The following SPINK1 variants were observed in gnomAD, a reference collection of about 807,000 sequenced individuals.
SPINK1 encodes serine protease inhibitor Kazal-type 1.
SPINK1 carries 5 observed loss-of-function variants against 9.5 expected under a neutral mutation model. The ratio of observed to expected loss-of-function variants is 0.52; its 90% CI spans 0.27 to 1.10. The LOEUF is 1.10. SPINK1 is among the 50% of genes least tolerant of loss of function. The probability of loss-of-function intolerance (pLI) is 0.11; values close to 1 mark genes in which losing one functional copy is unlikely to be tolerated. For missense variants in SPINK1, 88 were observed against 92.7 expected, an observed-to-expected ratio of 0.95 and a Z score of 0.21; for synonymous variants, 37 against 32.3, an observed-to-expected ratio of 1.14 and a Z score of -0.49.
chr5:147,829,117 T>A (rs1426234145), intron 2 of SPINK1, among the ~76,000 whole-genome samples: 1 of 152,196 alleles, frequency 6.6e-6, no homozygotes, highest in Non-Finnish European at 1.5e-5. Context: ...CCAAATTTAC[T>A]GAAATTACCT....
upstream of SPINK1, among the ~76,000 whole-genome samples, chr5:147,835,386 A>G (rs973151388): frequency 1.1e-4 from 17 of 152,168 alleles, no homozygotes; most frequent in Admixed American, 7.2e-4. Context: ...CTGAGGCCTC[A>G]TACAATCAAT....
At chr5:147,825,228 C>A (rs1050075029) in intron 3 of SPINK1, among the ~76,000 whole-genome samples, 12 of 152,116 alleles carry the variant, frequency 7.9e-5, no homozygotes, top group African/African-American at 2.7e-4. Context: ...TCTGTTCGCC[C>A]CACACTACCA....
At chr5:147,826,952 A>C (rs1346463715) in intron 3 of SPINK1, 1 of 152,244 alleles carries the variant, frequency 6.6e-6, no homozygotes, top group Non-Finnish European at 1.5e-5. Flanking sequence ...TCAATCTCAG[A>C]AAAACTAAAG....
At chr5:147,835,788 T>C (rs1580946582), upstream of SPINK1, among the ~76,000 whole-genome samples, 1 of 152,160 alleles carries the variant, frequency 6.6e-6, no homozygotes, top group Non-Finnish European at 1.5e-5. Context: ...ACTAGAGATA[T>C]ACAGCTTATT....
At chr5:147,824,859 A>T (rs968141357) in intron 3 of SPINK1, among the ~76,000 whole-genome samples, 153 bp from the exon 4 acceptor site, 2 of 152,226 alleles carry the variant, frequency 1.3e-5, no homozygotes. Context: ...TCATTTATAC[A>T]TTCACTTAGT....
At chr5:147,825,154 A>G (rs1238732154) in intron 3 of SPINK1, among the ~76,000 whole-genome samples, 4 of 152,156 alleles carry the variant, frequency 2.6e-5, no homozygotes, top group Non-Finnish European at 4.4e-5. Flanking sequence ...ACAAAAGTAA[A>G]TCACATATTT....
upstream of SPINK1, among the ~76,000 whole-genome samples, chr5:147,832,530 T>A (rs891643443): frequency 2.0e-5 from 3 of 152,220 alleles, no homozygotes; most frequent in African/African-American, 7.2e-5. Flanking sequence ...ATAAAGTTAA[T>A]ATCTCCTTCT....
In SPINK1 at chr5:147,831,599, G is replaced by A. The variant is rs190219062; in HGVS notation, c.-22C>T. 8.3e-4 allele frequency: 1,338 copies of A among 1,613,012 alleles called. 1 individual carries two copies. The highest frequency in any genetic ancestry group is 1.1e-3 in the Non-Finnish European group (1,248 of 1,179,620). ...TCATGGCTGAAGTTCTGCGTCCAGAGGTCAGTTGAAAACTGCACCGCACTT... is the reference window on the plus strand; with the variant it reads ...TCATGGCTGAAGTTCTGCGTCCAGAAGTCAGTTGAAAACTGCACCGCACTT... On this transcript the variant is annotated 5_prime_UTR_variant, in exon 1 of 4. Transcript: ENST00000296695.
chr5:147,831,838 A>G, upstream of SPINK1: 3 of 1,347,280 alleles, frequency 2.2e-6, no homozygotes, highest in Non-Finnish European at 2.9e-6. Context: ...TCAGGAAAAT[A>G]GTTCTAGTGG....
At chr5:147,824,814 G>A (rs1486994332) in intron 3 of SPINK1, 108 bp from the exon 4 acceptor site, 2 of 967,580 alleles carry the variant, frequency 2.1e-6, no homozygotes, top group Non-Finnish European at 1.6e-6. Context: ...AAGTTGGAGA[G>A]GTTTGAGATT....
At chr5:147,829,097 C>A (rs1398325162) in intron 2 of SPINK1, among the ~76,000 whole-genome samples, 1 of 152,142 alleles carries the variant, frequency 6.6e-6, no homozygotes, top group African/African-American at 2.4e-5. Context: ...GACACTTCTT[C>A]CTCTGGTCTC....
intron 3 of SPINK1, 96 bp downstream of exon 3, chr5:147,827,926 G>T: frequency 1.1e-6 from 1 of 885,454 alleles, no homozygotes; most frequent in Non-Finnish European, 1.8e-6. Flanking sequence ...AAAGTAAATA[G>T]TTTGCTTTTC....
chr5:147,825,712 A>G (rs1316450946), intron 3 of SPINK1, among the ~76,000 whole-genome samples: 3 of 152,280 alleles, frequency 2.0e-5, no homozygotes, highest in African/African-American at 7.2e-5. Flanking sequence ...AAGTGCTGGG[A>G]TTACAGGCAT....
upstream of SPINK1, among the ~76,000 whole-genome samples, chr5:147,834,044 C>T (rs1580945364): frequency 1.3e-5 from 2 of 152,138 alleles, no homozygotes; most frequent in Admixed American, 6.6e-5. Context: ...CTTCTTTCTG[C>T]ATCTAGATTA....
chr5:147,825,648 G>A (rs547121161), intron 3 of SPINK1, among the ~76,000 whole-genome samples: 1 of 151,942 alleles, frequency 6.6e-6, no homozygotes, highest in Non-Finnish European at 1.5e-5. Context: ...TACCATGTTG[G>A]CCAGGCTGGT....
chr5:147,834,869 A>C (rs1756569155), upstream of SPINK1, among the ~76,000 whole-genome samples: 1 of 152,166 alleles, frequency 6.6e-6, no homozygotes, highest in African/African-American at 2.4e-5. Flanking sequence ...TGAGCAGACA[A>C]ATACAGTTGT....
At chr5:147,828,942 C>G (rs999983636) in intron 2 of SPINK1, among the ~76,000 whole-genome samples, 1 of 151,904 alleles carries the variant, frequency 6.6e-6, no homozygotes, top group Non-Finnish European at 1.5e-5. Flanking sequence ...TTCGGAGCAC[C>G]CTCCCTGATT....
intron 3 of SPINK1, 102 bp downstream of exon 3, chr5:147,827,920 T>C (rs1274910910): frequency 1.1e-5 from 9 of 837,690 alleles, no homozygotes; most frequent in Middle Eastern, 3.5e-4. Context: ...TTGGAAAAAG[T>C]AAATAGTTTG....
intron 1 of SPINK1, among the ~76,000 whole-genome samples, chr5:147,831,119 C>G (rs181681561): frequency 6.6e-6 from 1 of 152,198 alleles, no homozygotes; most frequent in East Asian, 1.9e-4. Context: ...TCAAATTATG[C>G]CTTTTATACT....
Sources: gnomAD v4.1 joint callset for allele counts (sites outside exome capture counted in the v4.1 genomes callset) on GRCh38, gnomAD v4.1.1 for gene constraint, MANE v1.5 for transcripts, NCBI Gene and HGNC (gene_info 2026-07-23, HGNC 2026-07-21) for gene names.